Variants in ATAD2B observed in about 807,000 individuals in gnomAD.
The protein encoded by ATAD2B is ATPase family AAA domain-containing protein 2B.
A neutral mutation model predicts 167.6 loss-of-function variants in ATAD2B; 40 were observed. That is an observed-to-expected ratio of 0.24 (90% CI 0.19 to 0.31). The LOEUF (loss-of-function observed/expected upper bound fraction) is 0.31, where lower values mean the gene tolerates loss of function less well. ATAD2B is among the 10% of genes least tolerant of loss of function. The pLI is 1.00. For missense variants in ATAD2B, 1,242 were observed against 1,757.2 expected (o/e 0.71, Z 5.24); for synonymous variants, 579 against 596.5 (o/e 0.97, Z 0.43).
intron 1 of ATAD2B, among the ~76,000 whole-genome samples, chr2:23,912,430 C>A (rs1384516291): frequency 6.6e-6 from 1 of 151,834 alleles, no homozygotes; most frequent in African/African-American, 2.4e-5. Flanking sequence ...TCACTTGAGT[C>A]CAGGAGTTCA....
chr2:23,716,484 GCT>G, the ATAD2B span, among the ~76,000 whole-genome samples: 1 of 151,694 alleles, frequency 6.6e-6, no homozygotes, highest in South Asian at 2.1e-4. Context: ...ACCTGGATCT[GCT>G]CTACCCATGC....
the ATAD2B span, among the ~76,000 whole-genome samples, chr2:23,725,981 G>T: frequency 5.3e-5 from 8 of 152,038 alleles, no homozygotes. Flanking sequence ...AAAATAAAAT[G>T]AGAGTGACAC....
intron 13 of ATAD2B, among the ~76,000 whole-genome samples, chr2:23,847,154 T>C (rs1406666441): frequency 7.5e-6 from 1 of 133,976 alleles, no homozygotes; most frequent in Non-Finnish European, 1.6e-5. Flanking sequence ...GCATATCACT[T>C]GAGCCCAGGA....
chr2:23,736,703 G>A, the ATAD2B span, among the ~76,000 whole-genome samples: 1 of 152,192 alleles, frequency 6.6e-6, no homozygotes, highest in Admixed American at 6.5e-5. Flanking sequence ...GTGCAAGACA[G>A]TGGGTGCAGC....
At chr2:23,855,126 G>A (rs1288042690) in intron 13 of ATAD2B, among the ~76,000 whole-genome samples, 4 of 151,828 alleles carry the variant, frequency 2.6e-5, no homozygotes, top group East Asian at 1.9e-4. Flanking sequence ...TGCGGGGTGC[G>A]GAGGTTGCAG....
chr2:23,837,137 G>A lies in ATAD2B; in HGVS notation c.1569-3059C>T, dbSNP rs561026256. On this transcript the variant is annotated intron_variant, in intron 13 of 27. Coordinates refer to ENST00000238789, the MANE Select transcript of ATAD2B (RefSeq NM_017552.4). Reference sequence around the variant, plus strand: ...CCTCAGCTTCCCACCCAAGCTCATCGGCACCCAAAGTCTGGAGGGGGCTGT... The same window carrying A: ...CCTCAGCTTCCCACCCAAGCTCATCAGCACCCAAAGTCTGGAGGGGGCTGT... Among the ~76,000 whole-genome samples, 6 of 152,280 alleles carry A rather than the reference G, an allele frequency of 3.9e-5. No individual in the cohort carries two copies. The South Asian group carries it at 6.2e-4, about 16-fold the overall frequency.
At chr2:23,706,459 T>G in the ATAD2B span, 2 of 1,440,814 alleles carry the variant, frequency 1.4e-6, no homozygotes, top group Non-Finnish European at 1.8e-6. Flanking sequence ...TGCCTAACTC[T>G]GTCCCCGCTT....
At chr2:23,840,650 A>G (rs1690734435) in intron 13 of ATAD2B, among the ~76,000 whole-genome samples, 1 of 152,220 alleles carries the variant, frequency 6.6e-6, no homozygotes, top group Non-Finnish European at 1.5e-5. Flanking sequence ...TTTCATAAAT[A>G]TGGTATATGT....
At chr2:23,776,889 A>G (rs1440187392) in intron 22 of ATAD2B, among the ~76,000 whole-genome samples, 5 of 152,232 alleles carry the variant, frequency 3.3e-5, no homozygotes, top group Non-Finnish European at 7.3e-5. Context: ...TGTGTTTCAT[A>G]TAACTGTTAC....
rs1234577953 is a variant in ATAD2B, at chr2:23,897,850, C to T, written c.217-1880G>A. 3.9e-5 allele frequency among the ~76,000 whole-genome samples: 6 copies of T among 152,282 alleles called. 1 individual carries two copies. The highest frequency in any genetic ancestry group is 3.4e-3 in the Middle Eastern group (1 of 294). On this transcript the variant is annotated intron_variant, in intron 1 of 27. Coordinates refer to ENST00000238789, the MANE Select transcript of ATAD2B (RefSeq NM_017552.4). The stretch of plus-strand genomic sequence containing the variant: ...CTTAGTCAATGATAGTATTTAGAAA[C>T]CAAAAGCTGGGCACTACGTGTGCTC...
At chr2:23,821,607 AT>A (rs1383005813) in intron 16 of ATAD2B, among the ~76,000 whole-genome samples, 3 of 152,184 alleles carry the variant, frequency 2.0e-5, no homozygotes, top group African/African-American at 4.8e-5. Context: ...TACTATATAT[AT>A]TTTTAATGTT....
chr2:23,883,572 T>A lies in ATAD2B; in HGVS notation c.784+1193A>T, dbSNP rs535462950. 4.5e-5 allele frequency: 57 copies of A among 1,259,242 alleles called. No homozygotes were observed. In the South Asian group the frequency reaches 7.2e-4, roughly 16 times the overall value. 78.0% of individuals were successfully genotyped at this position (1,259,242 alleles called of 1,614,324 possible). A position where few individuals can be genotyped will look rare whatever the true frequency, so the allele number is the denominator to read the frequency against. On this transcript the variant is annotated intron_variant, in intron 6 of 27. Coordinates refer to ENST00000238789, the MANE Select transcript of ATAD2B (RefSeq NM_017552.4). ...TGTTCAGTTAATGAAAAGGCAAGAA[T>A]CGCATTATAAATCTGTCTCACCTAT...
chr2:23,842,450 C>T (rs548666936), intron 13 of ATAD2B, among the ~76,000 whole-genome samples: 1 of 152,032 alleles, frequency 6.6e-6, no homozygotes, highest in Non-Finnish European at 1.5e-5. Flanking sequence ...TAAACAGAGA[C>T]AGATGGGTTC....
intron 18 of ATAD2B, among the ~76,000 whole-genome samples, chr2:23,807,824 AAAAAAT>A (rs1443416784): frequency 7.8e-6 from 1 of 127,422 alleles, no homozygotes; most frequent in African/African-American, 3.0e-5. Context: ...TTAAAAAAAA[AAAAAAT>A]ATATATATAT....
At chr2:23,876,016 A>C in intron 7 of ATAD2B, 112 bp from the exon 8 acceptor site, 1 of 817,940 alleles carries the variant, frequency 1.2e-6, no homozygotes, top group South Asian at 1.6e-5. Context: ...GTTTTTTGAG[A>C]CAGAGTCTTG....
downstream of ATAD2B, among the ~76,000 whole-genome samples, chr2:23,744,962 G>A (rs191097377): frequency 6.6e-6 from 1 of 152,182 alleles, no homozygotes; most frequent in East Asian, 1.9e-4. Flanking sequence ...ATTCTCTGTG[G>A]TATTCTACTA....
chr2:23,836,666 G>T (rs969203332), intron 13 of ATAD2B, among the ~76,000 whole-genome samples: 2 of 152,018 alleles, frequency 1.3e-5, no homozygotes, highest in African/African-American at 2.4e-5. Context: ...AGGTCGTCAT[G>T]TTGAGTGTTG....
chr2:23,704,541 T>G, the ATAD2B span, among the ~76,000 whole-genome samples: 1 of 152,148 alleles, frequency 6.6e-6, no homozygotes, highest in Non-Finnish European at 1.5e-5. Context: ...CCGAGGCGGA[T>G]GGATCAGTTG....
chr2:23,726,914 C>A, the ATAD2B span, among the ~76,000 whole-genome samples: 1 of 152,122 alleles, frequency 6.6e-6, no homozygotes, highest in Non-Finnish European at 1.5e-5. Flanking sequence ...TGCCACTGAA[C>A]TATACACTTC....
Sources: allele counts gnomAD v4.1 joint callset (sites outside exome capture counted in the v4.1 genomes callset), GRCh38; gene constraint gnomAD v4.1.1; transcripts MANE v1.5; gene names NCBI Gene and HGNC (gene_info 2026-07-23, HGNC 2026-07-21).